Variants in TECTB observed in about 807,000 individuals in gnomAD.
The protein encoded by TECTB is tectorin beta.
Under a neutral mutation model 43.3 loss-of-function variants are expected in TECTB, and 45 were observed. The ratio of observed to expected loss-of-function variants is 1.04; its 90% confidence interval spans 0.82 to 1.33. The LOEUF (loss-of-function observed/expected upper bound fraction) is 1.33. Among genes scored for constraint, TECTB ranks in the 40% most tolerant of loss-of-function variants. The pLI is 0.00. For synonymous variants in TECTB, 169 were observed against 156.7 expected, an observed-to-expected ratio of 1.08 and a Z score of -0.59; for missense variants, 399 against 404.7, an observed-to-expected ratio of 0.99 and a Z score of 0.12.
Position 112,293,864 on chromosome 10 carries a change from T to C in TECTB, c.587+23T>C, listed in dbSNP as rs760428827. 1.4e-5 allele frequency: 23 copies of C among 1,611,794 alleles called. 1 individual carries two copies. In the Admixed American group the frequency reaches 1.5e-4, roughly 11 times the overall value. Reference sequence around the variant, plus strand: ...TAGGTAAGTACATTTCCTCCAAGTTTATATGTTTAAATGCAAAGAAAAAAA... The same window carrying C: ...TAGGTAAGTACATTTCCTCCAAGTTCATATGTTTAAATGCAAAGAAAAAAA... On this transcript the variant is annotated intron_variant, in intron 6 of 10. Transcript: ENST00000646139.
At chr10:112,293,270 G>T (rs1046549391) in intron 5 of TECTB, among the ~76,000 whole-genome samples, 10 of 152,174 alleles carry the variant, frequency 6.6e-5, no homozygotes, top group Non-Finnish European at 1.5e-4. Context: ...TGTTATTGTT[G>T]TTGATGATTG....
chr10:112,299,364 C>A, intron 8 of TECTB, 128 bp from the exon 9 acceptor site: 1 of 797,216 alleles, frequency 1.3e-6, no homozygotes, highest in Non-Finnish European at 2.0e-6. Context: ...TCTCTGTTGA[C>A]TGGGGAATTG....
rs756480389 is a variant in TECTB, at chr10:112,294,071, C to G, written c.671+10C>G. 1 of 1,612,732 alleles carries G rather than the reference C, an allele frequency of 6.2e-7. No individual in the cohort carries two copies. Among genetic ancestry groups the G allele is most frequent in the Admixed American group, 1.7e-5 (1 of 59,994 alleles). ...AGCTGATCAACAAGGGGTAGGTACA[C>G]TATCTAGAGACAGGGCTGAACAGTG... On this transcript the variant is annotated intron_variant, in intron 7 of 10. Transcript: ENST00000646139.
At chr10:112,301,796 G>A (rs910035682) in intron 9 of TECTB, among the ~76,000 whole-genome samples, 2 of 151,890 alleles carry the variant, frequency 1.3e-5, no homozygotes, top group African/African-American at 2.4e-5. Context: ...GTGCAATGAC[G>A]TGATCTCAGC....
In TECTB at chr10:112,302,007, A is replaced by G. The variant is rs1848616243; in HGVS notation, c.908-94A>G. On this transcript the variant is annotated intron_variant, in intron 9 of 10. Coordinates refer to ENST00000646139, the MANE Select transcript of TECTB (RefSeq NM_058222.3). ...ATTACAAGTGTGAGCCGCAGCCCCC[A>G]GCCAGGTTTTGTGTTGTAGAAACAT... is the stretch of plus-strand genomic sequence containing the variant. 5 of 1,470,680 alleles carry G rather than the reference A, an allele frequency of 3.4e-6. No homozygotes were observed. The African/African-American group carries it at 4.2e-5, about 12-fold the overall frequency. 91.1% of individuals were successfully genotyped at this position (1,470,680 alleles called of 1,614,324 possible).
intron 7 of TECTB, among the ~76,000 whole-genome samples, chr10:112,294,322 C>T (rs1848527123): frequency 6.6e-6 from 1 of 152,130 alleles, no homozygotes; most frequent in Non-Finnish European, 1.5e-5. Context: ...TTACTATCAT[C>T]CCCATTTTAC....
chr10:112,285,592 C>A (rs1415575706), intron 3 of TECTB, among the ~76,000 whole-genome samples: 3 of 152,190 alleles, frequency 2.0e-5, no homozygotes, highest in South Asian at 4.1e-4. Flanking sequence ...CCCTCCAGCT[C>A]TAATATTCTG....
chr10:112,296,731 C>G (rs1564709348), intron 7 of TECTB, among the ~76,000 whole-genome samples: 1 of 152,132 alleles, frequency 6.6e-6, no homozygotes, highest in Non-Finnish European at 1.5e-5. Context: ...TTCCTTAGTG[C>G]CTGCCTTTAG....
intron 3 of TECTB, among the ~76,000 whole-genome samples, chr10:112,285,487 T>C (rs552277951): frequency 4.6e-5 from 7 of 152,170 alleles, no homozygotes; most frequent in African/African-American, 9.6e-5. Flanking sequence ...ATGAGCATGA[T>C]TAACAAGACA....
chr10:112,286,087 A>G lies in TECTB; in HGVS notation c.284A>G (p.Tyr95Cys). ...GTQSEYKPPIYHFYSHIVSND... is the reference protein window; with the variant it reads ...GTQSEYKPPICHFYSHIVSND... ...TTTGTCCAGTACAAGCCACCTATCT[A>G]TCACTTCTACAGTCACATCGTTTCC... The change falls in exon 4 of 11, where the codon TAT becomes TGT. Residue 95 changes from tyrosine to cysteine, a missense_variant. Transcript: ENST00000646139. 2 of 1,614,042 alleles carry G rather than the reference A, an allele frequency of 1.2e-6. No individual in the cohort carries two copies. Among genetic ancestry groups the G allele is most frequent in the Non-Finnish European group, 1.7e-6 (2 of 1,179,974 alleles).
At chr10:112,300,220 C>CAGAAAGAAATAA (rs1848587555) in intron 9 of TECTB, among the ~76,000 whole-genome samples, 2 of 46,134 alleles carry the variant, frequency 4.3e-5, no homozygotes, top group Admixed American at 5.5e-4. Flanking sequence ...GACAGACAGA[C>CAGAAAGAAATAA]AGAAAGAAAT....
chr10:112,290,904 T>C (rs17129703), intron 5 of TECTB, among the ~76,000 whole-genome samples: 17,058 of 152,096 alleles, frequency 0.11, 1,861 homozygotes, highest in African/African-American at 0.29. Flanking sequence ...ATGTCAGAGG[T>C]ACTAGGAAAC....
At chr10:112,291,215 C>T (rs1848496463) in intron 5 of TECTB, among the ~76,000 whole-genome samples, 1 of 151,816 alleles carries the variant, frequency 6.6e-6, no homozygotes, top group Admixed American at 6.6e-5. Context: ...CATATGTTCT[C>T]ATTGTTCAGC....
At chr10:112,296,871 A>T (rs1848551168) in intron 7 of TECTB, among the ~76,000 whole-genome samples, 1 of 152,180 alleles carries the variant, frequency 6.6e-6, no homozygotes, top group Non-Finnish European at 1.5e-5. Flanking sequence ...AAGATGCTTC[A>T]GAGTTGCATT....
chr10:112,291,084 AC>A (rs1370641190), intron 5 of TECTB, among the ~76,000 whole-genome samples: 1 of 152,096 alleles, frequency 6.6e-6, no homozygotes, highest in African/African-American at 2.4e-5. Context: ...GGTTTGCTAC[AC>A]CTAGCAACCC....
chr10:112,284,374 A>C (rs896174881), intron 2 of TECTB, among the ~76,000 whole-genome samples, 161 bp from the exon 3 acceptor site: 1 of 152,202 alleles, frequency 6.6e-6, no homozygotes, highest in Non-Finnish European at 1.5e-5. Flanking sequence ...CAATGACTGA[A>C]GTTTGGGGAA....
chr10:112,295,775 CT>C (rs1391574914), intron 7 of TECTB, among the ~76,000 whole-genome samples: 2 of 152,246 alleles, frequency 1.3e-5, no homozygotes, highest in Non-Finnish European at 2.9e-5. Context: ...TCTGCTACCC[CT>C]GGAATCATCT....
intron 7 of TECTB, 34 bp from the exon 8 acceptor site, chr10:112,298,035 T>C: frequency 6.2e-7 from 1 of 1,613,438 alleles, no homozygotes; most frequent in East Asian, 2.2e-5. Flanking sequence ...TTCAAGGAGA[T>C]GACAGTTCAC....
At chr10:112,293,884 A>G (rs1053153696) in intron 6 of TECTB, 43 bp downstream of exon 6, 46 of 1,608,296 alleles carry the variant, frequency 2.9e-5, no homozygotes, top group Middle Eastern at 1.6e-4. Context: ...AATGCAAAGA[A>G]AAAAAAGACT....
Sources: gnomAD v4.1 joint callset for allele counts (sites outside exome capture counted in the v4.1 genomes callset) on GRCh38, gnomAD v4.1.1 for gene constraint, MANE v1.5 for transcripts, NCBI Gene and HGNC (gene_info 2026-07-23, HGNC 2026-07-21) for gene names.